LDB2: variants seen among roughly 807,000 people sequenced by gnomAD.
LDB2 encodes the protein LIM domain binding 2.
A neutral mutation model predicts 44.3 loss-of-function variants in LDB2; 12 were observed. The ratio of observed to expected loss-of-function variants is 0.27; its 90% CI spans 0.17 to 0.44. The LOEUF (loss-of-function observed/expected upper bound fraction) is 0.44. LDB2 is among the 20% of genes least tolerant of loss of function. The pLI is 1.00. For missense variants in LDB2, 344 were observed against 473.5 expected (o/e 0.73, Z 2.54); for synonymous variants, 164 against 174.8 (o/e 0.94, Z 0.49).
At chr4:16,513,555 C>G (rs1722586396) in intron 5 of LDB2, among the ~76,000 whole-genome samples, 2 of 152,176 alleles carry the variant, frequency 1.3e-5, no homozygotes, top group South Asian at 4.1e-4. Flanking sequence ...TCTGGAGGAT[C>G]TTCCTATGCT....
chr4:16,879,233 T>C (rs757056230), intron 1 of LDB2, among the ~76,000 whole-genome samples: 15 of 152,190 alleles, frequency 9.9e-5, no homozygotes, highest in Non-Finnish European at 2.2e-4. Flanking sequence ...AGACAAACAT[T>C]CAAAGACCTC....
chr4:16,651,596 T>A (rs1374536023), intron 2 of LDB2, among the ~76,000 whole-genome samples: 3 of 151,614 alleles, frequency 2.0e-5, no homozygotes, highest in Non-Finnish European at 2.9e-5. Context: ...CTTTTTTTTT[T>A]AATGTCTACG....
chr4:16,740,917 C>A (rs1395089561), intron 2 of LDB2, among the ~76,000 whole-genome samples: 1 of 152,146 alleles, frequency 6.6e-6, no homozygotes, highest in East Asian at 1.9e-4. Flanking sequence ...GACCAAAATG[C>A]AAAGCACAAC....
chr4:16,873,899 G>A (rs191694577), intron 1 of LDB2, among the ~76,000 whole-genome samples: 11 of 152,034 alleles, frequency 7.2e-5, no homozygotes, highest in Admixed American at 3.3e-4. Context: ...TTCCATCCAC[G>A]TAATCTACAA....
intron 1 of LDB2, among the ~76,000 whole-genome samples, chr4:16,771,389 G>T (rs1770648163): frequency 6.6e-6 from 1 of 152,132 alleles, no homozygotes; most frequent in Non-Finnish European, 1.5e-5. Flanking sequence ...CAGGGGACTT[G>T]AATTCTCTCT....
intron 2 of LDB2, among the ~76,000 whole-genome samples, chr4:16,602,845 A>G (rs993199148): frequency 6.6e-6 from 1 of 152,198 alleles, no homozygotes; most frequent in Non-Finnish European, 1.5e-5. Context: ...TCTTAGCATC[A>G]TTAATTCACC....
Position 16,625,874 on chromosome 4 carries a change from G to A in LDB2, c.236-29999C>T, listed in dbSNP as rs572742972. ...CCTCTGCATAAAACCACTGGTCCCC[G>A]CTGTTCTGTTCCAGAATTGCAGAAT... On this transcript the variant is annotated intron_variant, in intron 2 of 7. Transcript: ENST00000304523. Among the ~76,000 whole-genome samples, 29 of 152,144 alleles carry A rather than the reference G, an allele frequency of 1.9e-4. 2 individuals carry two copies. In the South Asian group the frequency reaches 4.8e-3, roughly 25 times the overall value.
intron 2 of LDB2, among the ~76,000 whole-genome samples, chr4:16,735,625 C>T (rs576848760): frequency 6.6e-5 from 10 of 151,860 alleles, no homozygotes; most frequent in East Asian, 3.9e-4. Context: ...CTACCTTAAC[C>T]GAGAGATGAA....
intron 1 of LDB2, among the ~76,000 whole-genome samples, chr4:16,811,263 AG>A (rs1779813034): frequency 6.6e-6 from 1 of 152,224 alleles, no homozygotes; most frequent in Non-Finnish European, 1.5e-5. Context: ...AGCACTAATC[AG>A]GAGTCACATG....
At chr4:16,558,541 C>T (rs1227814088) in intron 5 of LDB2, among the ~76,000 whole-genome samples, 1 of 152,126 alleles carries the variant, frequency 6.6e-6, no homozygotes, top group African/African-American at 2.4e-5. Flanking sequence ...ACAAAGCCTC[C>T]AAGAAATATG....
chr4:16,603,482 T>C (rs968636839), intron 2 of LDB2, among the ~76,000 whole-genome samples: 3 of 152,276 alleles, frequency 2.0e-5, no homozygotes, highest in Non-Finnish European at 2.9e-5. Flanking sequence ...TCAGATGTTA[T>C]ATATTTATAC....
chr4:16,876,926 A>T (rs1248050917), intron 1 of LDB2, among the ~76,000 whole-genome samples: 4 of 127,086 alleles, frequency 3.1e-5, no homozygotes, highest in African/African-American at 1.3e-4. Flanking sequence ...TTTTCCTTAG[A>T]GACAAGGTCT....
chr4:16,550,895 T>C (rs1285937026), intron 5 of LDB2, among the ~76,000 whole-genome samples: 1 of 152,238 alleles, frequency 6.6e-6, no homozygotes, highest in Admixed American at 6.5e-5. Context: ...AATGTTTGCA[T>C]ATTCCTATAA....
intron 2 of LDB2, among the ~76,000 whole-genome samples, chr4:16,601,873 G>T (rs1172050788): frequency 6.6e-6 from 1 of 152,088 alleles, no homozygotes; most frequent in African/African-American, 2.4e-5. Flanking sequence ...CAAGACTGAT[G>T]ATTTTATTTA....
intron 2 of LDB2, among the ~76,000 whole-genome samples, chr4:16,739,636 G>A (rs55701320): frequency 0.012 from 741 of 62,998 alleles, 73 homozygotes; most frequent in African/African-American, 0.043. Flanking sequence ...GTGTATATAT[G>A]TATATATACA....
intron 1 of LDB2, among the ~76,000 whole-genome samples, chr4:16,763,556 A>C (rs920825426): frequency 3.3e-5 from 5 of 152,092 alleles, no homozygotes; most frequent in African/African-American, 4.8e-5. Flanking sequence ...GATTTAAGAC[A>C]AAAATTACTA....
intron 1 of LDB2, among the ~76,000 whole-genome samples, chr4:16,812,298 T>C (rs896916946): frequency 3.9e-5 from 6 of 152,144 alleles, no homozygotes; most frequent in African/African-American, 1.4e-4. Context: ...AAGGGGAAAT[T>C]CTTTCTAGAT....
chr4:16,866,443 A>C (rs1192143608), intron 1 of LDB2, among the ~76,000 whole-genome samples: 1 of 152,254 alleles, frequency 6.6e-6, no homozygotes, highest in African/African-American at 2.4e-5. Context: ...CAAATCAAAT[A>C]AATAAATCAA....
chr4:16,657,574 A>G (rs1474822521), intron 2 of LDB2, among the ~76,000 whole-genome samples: 1 of 152,176 alleles, frequency 6.6e-6, no homozygotes, highest in East Asian at 1.9e-4. Context: ...CAAAGCCTAC[A>G]AGGCCCTACA....
Sources: gnomAD v4.1 joint callset for allele counts (sites outside exome capture counted in the v4.1 genomes callset) on GRCh38, gnomAD v4.1.1 for gene constraint, MANE v1.5 for transcripts, NCBI Gene and HGNC (gene_info 2026-07-23, HGNC 2026-07-21) for gene names.